Variants in SPEG observed in about 807,000 individuals in gnomAD.
The protein encoded by SPEG is striated muscle enriched protein kinase, also known as striated muscle preferentially expressed protein kinase.
A neutral mutation model predicts 300.4 loss-of-function variants in SPEG; 114 were observed. The observed-to-expected ratio is 0.38, with a 90% CI of 0.33 to 0.44. The LOEUF (loss-of-function observed/expected upper bound fraction) is 0.44. Among genes scored for constraint, SPEG ranks in the 20% least tolerant of loss-of-function variants. SPEG has a pLI of 1.00. For missense variants in SPEG, 4,201 were observed against 4,586.2 expected, an observed-to-expected ratio of 0.92 and a Z score of 2.43; for synonymous variants, 1,964 against 2,018.9, an observed-to-expected ratio of 0.97 and a Z score of 0.73.
At chr2:219,442,627 G>A (rs1166825668) in intron 1 of SPEG, among the ~76,000 whole-genome samples, 1 of 38,926 alleles carries the variant, frequency 2.6e-5, no homozygotes, top group Non-Finnish European at 5.5e-5. Context: ...CCACCCCCTT[G>A]ACACCTACCC....
intron 1 of SPEG, among the ~76,000 whole-genome samples, chr2:219,440,765 C>T (rs1054009751): frequency 1.3e-5 from 2 of 152,186 alleles, no homozygotes; most frequent in South Asian, 4.1e-4. Context: ...CAAGTAACCT[C>T]TCTGTGTCTC....
chr2:219,448,912 G>T lies in SPEG; in HGVS notation c.1754G>T (p.Gly585Val). Residue 585 changes from glycine (G) to valine (V), a missense_variant, in exon 4 of 41, where the codon GGC becomes GTC. Physicochemically the swap from Gly to Val is moderately radical, Grantham distance 109. Coordinates refer to ENST00000312358, the MANE Select transcript of SPEG (RefSeq NM_005876.5). The stretch of plus-strand genomic sequence containing the variant: ...GCGGGCAGGACAGAGCCGGGGGAAG[G>T]CCCGCAGCAGGAGGTTAGGCGTCGG... ...GPAGRTEPGE[G>V]PQQEVRRRDQ... The T allele has an allele frequency of 6.8e-7, 1 of 1,466,000 alleles. No individual in the cohort carries two copies. The highest frequency in any genetic ancestry group is 9.0e-7 in the Non-Finnish European group (1 of 1,114,756). The allele number at this position is 1,466,000 out of a possible 1,614,324, so 90.8% of individuals were successfully genotyped here. A position where few individuals can be genotyped will look rare whatever the true frequency, so the allele number is the denominator to read the frequency against.
Position 219,449,262 on chromosome 2 carries a change from C to T in SPEG, c.2104C>T (p.Pro702Ser), listed in dbSNP as rs960641424. The change falls in exon 4 of 41, where the codon CCT (proline) becomes TCT (serine). Residue 702 changes from proline (P) to serine (S), a missense_variant. By Grantham distance (74) the Pro-to-Ser change is moderately conservative (BLOSUM62 -1). This residue lies in a region of SPEG where 1,258 missense variants were observed against 1,293.9 expected (regional missense o/e 0.97). Transcript: ENST00000312358. ...AGGTCGCCGGGCCCGGCCCACCTCC[C>T]CTGAGCTCGGTAAGGCCTCAGGGAG... ...GKGRRARPTS[P>S]ELESSDDSYV... The T allele has an allele frequency of 1.2e-5, 17 of 1,387,610 alleles. No homozygotes were observed. The highest frequency in any genetic ancestry group is 1.5e-5 in the Non-Finnish European group (16 of 1,071,982). 86.0% of individuals were successfully genotyped at this position (1,387,610 alleles called of 1,614,324 possible).
At chr2:219,485,116 G>T (rs1490811463) in intron 30 of SPEG, 44 bp downstream of exon 30, 2 of 1,523,034 alleles carry the variant, frequency 1.3e-6, no homozygotes, top group Non-Finnish European at 1.8e-6. Flanking sequence ...GAGGAGGGTG[G>T]GGTGCGCTGG....
intron 38 of SPEG, 99 bp from the exon 39 acceptor site, chr2:219,491,695 C>T (rs1040860668): frequency 1.1e-6 from 1 of 902,270 alleles, no homozygotes; most frequent in African/African-American, 1.6e-5. Context: ...GTCTGGTGAC[C>T]AGGACATTGT....
chr2:219,489,830 G>A lies in SPEG; in HGVS notation c.8812G>A (p.Val2938Met). The change falls in exon 36 of 41, where the codon GTG becomes ATG. Residue 2938 changes from valine (V) to methionine (M), a missense_variant. Transcript: ENST00000312358. ...TVQSLSPAKE[V>M]VSSPGSSPRS... ...GCAGAGCCTCAGCCCGGCCAAGGAG[G>A]TGGTCAGCTCCCCTGGGAGCAGTCC... The A allele has an allele frequency of 2.5e-6, 4 of 1,613,524 alleles. No individual in the cohort carries two copies. Among genetic ancestry groups the A allele is most frequent in the Non-Finnish European group, 3.4e-6 (4 of 1,179,874 alleles).
In SPEG at chr2:219,458,234, A is replaced by G. The variant is rs1422806106; in HGVS notation, c.2441-3648A>G. ...TTCAAGCCCTTGAGCAACGTGGGTG[A>G]CACACAGAGGTGAGGCTAGGCATGA... is the stretch of plus-strand genomic sequence containing the variant. On this transcript the variant is annotated intron_variant, in intron 6 of 40. Coordinates refer to ENST00000312358, the MANE Select transcript of SPEG (RefSeq NM_005876.5). The surrounding 1 kb of genome is among the most constrained non-coding windows in gnomAD (Gnocchi z 4.2). Among the ~76,000 whole-genome samples, 1 of 152,138 alleles carries G rather than the reference A, an allele frequency of 6.6e-6. No individual in the cohort carries two copies. Among genetic ancestry groups the G allele is most frequent in the African/African-American group, 2.4e-5 (1 of 41,438 alleles).
chr2:219,445,298 A>C lies in SPEG; in HGVS notation c.815+137A>C, dbSNP rs1689198844. On this transcript the variant is annotated intron_variant, in intron 3 of 40. Coordinates refer to ENST00000312358, the MANE Select transcript of SPEG (RefSeq NM_005876.5). This position sits in a 1 kb window ranked among gnomAD's most constrained non-coding sequence, Gnocchi z 6.1. Reference sequence around the variant, plus strand: ...GTGCATTTCTTCACCCCCTGCTGCCACTCCATCTTCCCACACTGCTCCCTC... The same window carrying C: ...GTGCATTTCTTCACCCCCTGCTGCCCCTCCATCTTCCCACACTGCTCCCTC... The C allele has an allele frequency of 1.8e-5, 15 of 851,194 alleles. 1 individual carries two copies. In the South Asian group the frequency reaches 2.4e-4, roughly 14 times the overall value. The allele number at this position is 851,194 out of a possible 1,614,324, so 52.7% of individuals were successfully genotyped here. A position where few individuals can be genotyped will look rare whatever the true frequency, so the allele number is the denominator to read the frequency against.
chr2:219,463,094 C>T (rs1575102113), intron 8 of SPEG, among the ~76,000 whole-genome samples: 1 of 151,732 alleles, frequency 6.6e-6, no homozygotes, highest in South Asian at 2.1e-4. Context: ...CCTGTAGACC[C>T]AGCTACTTAT....
At chr2:219,461,343 G>A in intron 6 of SPEG, 1 of 988,030 alleles carries the variant, frequency 1.0e-6, no homozygotes, top group Non-Finnish European at 1.2e-6. Flanking sequence ...GAAGGGAAAG[G>A]GGGAGGGGCA....
Position 219,488,522 on chromosome 2 carries a change from C to T in SPEG, c.7883C>T (p.Pro2628Leu), listed in dbSNP as rs761281519. The T allele has an allele frequency of 2.5e-6, 4 of 1,595,040 alleles. No homozygotes were observed. The highest frequency in any genetic ancestry group is 3.4e-6 in the Non-Finnish European group (4 of 1,170,172). ...MKDKKSLRSE[P>L]SVIIVSCKDG... ...GACAAGAAGTCCTTGAGGTCAGAGCCCTCAGTGATCATCGTGTCCTGCAAA... is the reference window on the plus strand; with the variant it reads ...GACAAGAAGTCCTTGAGGTCAGAGCTCTCAGTGATCATCGTGTCCTGCAAA... Residue 2628 changes from proline to leucine, a missense_variant, in exon 33 of 41, where the codon CCC (proline) becomes CTC (leucine). Transcript: ENST00000312358.
Position 219,493,287 on chromosome 2 carries a change from G to A in SPEG, c.*501G>A, listed in dbSNP as rs1006441596. On this transcript the variant is annotated 3_prime_UTR_variant, in exon 41 of 41. Coordinates refer to ENST00000312358, the MANE Select transcript of SPEG (RefSeq NM_005876.5). Reference sequence around the variant, plus strand: ...GGGCTGGGACATGAGAGAAGGCAGCGAGGCGGCAGAGGGAGAAGAGAGGAC... The same window carrying A: ...GGGCTGGGACATGAGAGAAGGCAGCAAGGCGGCAGAGGGAGAAGAGAGGAC... 12 of 356,680 alleles carry A rather than the reference G, an allele frequency of 3.4e-5. No homozygotes were observed. Among genetic ancestry groups the A allele is most frequent in the African/African-American group, 1.1e-4 (5 of 46,724 alleles). 22.1% of individuals were successfully genotyped at this position (356,680 alleles called of 1,614,324 possible). A position where few individuals can be genotyped will look rare whatever the true frequency, so the allele number is the denominator to read the frequency against.
At chr2:219,475,079 C>T (rs1364050652) in intron 18 of SPEG, among the ~76,000 whole-genome samples, 4 of 152,014 alleles carry the variant, frequency 2.6e-5, no homozygotes, top group South Asian at 2.1e-4. Context: ...GCCACCGCCT[C>T]GGGCCTTAGG....
chr2:219,477,570 G>A lies in SPEG; in HGVS notation c.4730-119G>A, dbSNP rs192417796. Reference sequence around the variant, plus strand: ...CACCACACCCCCAGCCCAGCACCCCGCCTTGAGCCCCCAACATTCTTGCAC... The same window carrying A: ...CACCACACCCCCAGCCCAGCACCCCACCTTGAGCCCCCAACATTCTTGCAC... On this transcript the variant is annotated intron_variant, in intron 20 of 40. Transcript: ENST00000312358. This position sits in a 1 kb window ranked among gnomAD's most constrained non-coding sequence, Gnocchi z 6.4. 7 of 1,355,906 alleles carry A rather than the reference G, an allele frequency of 5.2e-6. No homozygotes were observed. The highest frequency in any genetic ancestry group is 5.0e-5 in the East Asian group (2 of 40,170). The allele number at this position is 1,355,906 out of a possible 1,614,324, so 84.0% of individuals were successfully genotyped here. A position where few individuals can be genotyped will look rare whatever the true frequency, so the allele number is the denominator to read the frequency against.
chr2:219,491,958 C>A (rs1694014607), intron 39 of SPEG, 89 bp downstream of exon 39: 7 of 1,369,126 alleles, frequency 5.1e-6, no homozygotes, highest in South Asian at 1.4e-5. Flanking sequence ...CCCCCGTGCC[C>A]CACCTCCCCT....
chr2:219,448,472 GC>G lies in SPEG; in HGVS notation c.1317del (p.Lys440SerfsTer109). 6.8e-7 allele frequency: 1 copy of G among 1,477,708 alleles called. No individual in the cohort carries two copies. The allele number at this position is 1,477,708 out of a possible 1,614,324, so 91.5% of individuals were successfully genotyped here. On this transcript the variant is annotated frameshift_variant, in exon 4 of 41. Transcript: ENST00000312358. LOFTEE classifies it high-confidence loss of function. The part of the protein sequence containing the change: ...PLRKARSLEQ[P>X]KSERGAPWGT... ...TGCGCAAGGCCCGCTCTCTGGAGCA[GC>G]CCAAGTCGGAGCGCGGCGCACCGTG... is the stretch of plus-strand genomic sequence containing the variant.
At chr2:219,460,614 G>A in intron 6 of SPEG, 2 of 985,434 alleles carry the variant, frequency 2.0e-6, no homozygotes, top group African/African-American at 1.7e-5. Context: ...CAGATCCCGC[G>A]GCTTGGGAGT....
Position 219,488,764 on chromosome 2 carries a change from C to A in SPEG, c.8027-14C>A. 1 of 1,609,764 alleles carries A rather than the reference C, an allele frequency of 6.2e-7. No individual in the cohort carries two copies. The highest frequency in any genetic ancestry group is 8.5e-7 in the Non-Finnish European group (1 of 1,177,800). On this transcript the variant is annotated splice_polypyrimidine_tract_variant and intron_variant, in intron 33 of 40. Coordinates refer to ENST00000312358, the MANE Select transcript of SPEG (RefSeq NM_005876.5). ...GGTATAGGGGCTCACTGGGACTCTT[C>A]TTTCTCTTGCCAGGAGTCCCAGGAA...
Position 219,468,666 on chromosome 2 carries a change from G to A in SPEG, c.3231G>A (p.Glu1077=). 6.2e-7 allele frequency: 1 copy of A among 1,614,126 alleles called. No individual in the cohort carries two copies. Among genetic ancestry groups the A allele is most frequent in the Non-Finnish European group, 8.5e-7 (1 of 1,180,002 alleles). The change falls in exon 11 of 41, where the codon GAG becomes GAA. Residue 1077 remains glutamate (E), a synonymous_variant. Transcript: ENST00000312358. The part of the protein sequence containing the change: ...TRLLEDVEVL[E]GRAARFDCKI... ...TGCTGGAAGATGTGGAGGTGTTGGA[G>A]GGCCGAGCTGCCCGTTTCGACTGCA...
Sources: gnomAD v4.1 joint callset for allele counts (sites outside exome capture counted in the v4.1 genomes callset) on GRCh38, gnomAD v4.1.1 for gene constraint, gnomAD v4.1.1 regional missense constraint, Gnocchi (gnomAD v3.1) non-coding constraint, MANE v1.5 for transcripts, NCBI Gene and HGNC (gene_info 2026-07-23, HGNC 2026-07-21) for gene names.